POGZ: variants seen among roughly 807,000 people sequenced by gnomAD.
POGZ encodes the protein pogo transposable element with ZNF domain.
A neutral mutation model predicts 134.6 loss-of-function variants in POGZ; 17 were observed. That is an observed-to-expected ratio of 0.13 (90% CI 0.09 to 0.19). The LOEUF is 0.19. POGZ is among the 10% of genes least tolerant of loss of function. The pLI, the probability that POGZ is intolerant of heterozygous loss-of-function variation, is 1.00. For synonymous variants in POGZ, 693 were observed against 657.1 expected, an observed-to-expected ratio of 1.05 and a Z score of -0.84; for missense variants, 1,306 against 1,769.7, an observed-to-expected ratio of 0.74 and a Z score of 4.70.
intron 1 of POGZ, among the ~76,000 whole-genome samples, chr1:151,443,656 T>C (rs1364759717): frequency 2.6e-5 from 4 of 151,788 alleles, no homozygotes; most frequent in Admixed American, 6.6e-5. Context: ...GAGGTTGCAA[T>C]GAGCCACAAT....
chr1:151,455,334 T>C (rs985639537), intron 1 of POGZ: 1 of 152,240 alleles, frequency 6.6e-6, no homozygotes, highest in African/African-American at 2.4e-5. Context: ...AATATCCCAG[T>C]TAGGATTCAA....
rs558312303 is a variant in POGZ at position 151,442,741 on chromosome 1, A to G, written c.-1-536T>C. On this transcript the variant is annotated intron_variant, in intron 1 of 18. Transcript: ENST00000271715. ...AAAAAAAAAAAAAATTAGGATTATAAAAGTTTAGGCCAGGCACAGTGGCTT... is the reference window on the plus strand; with the variant it reads ...AAAAAAAAAAAAAATTAGGATTATAGAAGTTTAGGCCAGGCACAGTGGCTT... 3.3e-5 allele frequency among the ~76,000 whole-genome samples: 5 copies of G among 151,422 alleles called. No homozygotes were observed. The South Asian group carries it at 8.3e-4, about 25-fold the overall frequency.
Position 151,459,460 on chromosome 1 carries a change from C to T in POGZ, c.-310G>A, listed in dbSNP as rs1327743319. ...GGCGCGGGGGAGAGAGACGCCGACT[C>T]CCCCCACCGACCCTCTCGCCCCGCG... On this transcript the variant is annotated 5_prime_UTR_variant, in exon 1 of 19. Coordinates refer to ENST00000271715, the MANE Select transcript of POGZ (RefSeq NM_015100.4). 6.6e-6 allele frequency: 1 copy of T among 152,092 alleles called. No individual in the cohort carries two copies. The highest frequency in any genetic ancestry group is 1.5e-5 in the Non-Finnish European group (1 of 67,980). 9.4% of individuals were successfully genotyped at this position (152,092 alleles called of 1,614,324 possible). A position where few individuals can be genotyped will look rare whatever the true frequency, so the allele number is the denominator to read the frequency against.
chr1:151,413,736 GTGGCTCA>G (rs1655133635), intron 10 of POGZ, among the ~76,000 whole-genome samples: 1 of 151,954 alleles, frequency 6.6e-6, no homozygotes, highest in Non-Finnish European at 1.5e-5. Context: ...CTAGAGCGCA[GTGGCTCA>G]ATCATGGCTC....
In POGZ at chr1:151,404,514, AAC is replaced by A. The variant is rs1378082349; in HGVS notation, c.*286_*287del. On this transcript the variant is annotated 3_prime_UTR_variant, in exon 19 of 19. Transcript: ENST00000271715. Reference sequence around the variant, plus strand: ...TCTTAATTTTGTCAGAAAAATACCAAACACAGTGATTTAAATTTAAAAAAAAA... The same window carrying A: ...TCTTAATTTTGTCAGAAAAATACCAAACAGTGATTTAAATTTAAAAAAAAA... 2.4e-5 allele frequency: 26 copies of A among 1,088,730 alleles called. No homozygotes were observed. The highest frequency in any genetic ancestry group is 4.1e-4 in the Middle Eastern group (1 of 2,434). The allele number at this position is 1,088,730 out of a possible 1,614,324, so 67.4% of individuals were successfully genotyped here.
At chr1:151,452,516 T>A (rs1340201385) in intron 1 of POGZ, among the ~76,000 whole-genome samples, 4 of 151,982 alleles carry the variant, frequency 2.6e-5, no homozygotes, top group Non-Finnish European at 5.9e-5. Flanking sequence ...GATATTTTCT[T>A]ATAGATACTA....
intron 10 of POGZ, among the ~76,000 whole-genome samples, chr1:151,417,738 T>G (rs1428811412): frequency 6.7e-6 from 1 of 148,890 alleles, no homozygotes; most frequent in Non-Finnish European, 1.5e-5. Context: ...ACAAAAGGCC[T>G]TATTTTTTAG....
At chr1:151,450,022 G>GTTT (rs1661838140) in intron 1 of POGZ, among the ~76,000 whole-genome samples, 3 of 100,668 alleles carry the variant, frequency 3.0e-5, no homozygotes, top group Non-Finnish European at 6.1e-5. Context: ...TGTGAAACTT[G>GTTT]ATTTTTTTTT....
chr1:151,404,126 C>T lies in POGZ; in HGVS notation c.*676G>A. On this transcript the variant is annotated 3_prime_UTR_variant, in exon 19 of 19. Transcript: ENST00000271715. ...AGGTGGTTTCATGCATTTTTAAAGCCACAATTTTATATCTAGGGTTGCTGT... is the reference window on the plus strand; with the variant it reads ...AGGTGGTTTCATGCATTTTTAAAGCTACAATTTTATATCTAGGGTTGCTGT... The T allele has an allele frequency of 2.0e-6, 2 of 985,280 alleles. No individual in the cohort carries two copies. The highest frequency in any genetic ancestry group is 2.4e-6 in the Non-Finnish European group (2 of 829,730). 61.0% of individuals were successfully genotyped at this position (985,280 alleles called of 1,614,324 possible).
At chr1:151,408,040 AG>A in intron 15 of POGZ, 59 bp downstream of exon 15, 1 of 1,311,112 alleles carries the variant, frequency 7.6e-7, no homozygotes, top group East Asian at 2.3e-5. Flanking sequence ...AAGAAGAAGA[AG>A]AAGAAGAAAA....
intron 3 of POGZ, 194 bp downstream of exon 3, chr1:151,440,734 A>G (rs1019723123): frequency 2.4e-6 from 1 of 416,418 alleles, no homozygotes; most frequent in Non-Finnish European, 4.3e-6. Flanking sequence ...ACCAGTACCG[A>G]GTCAGCACTA....
chr1:151,438,408 T>C (rs1659981472), intron 3 of POGZ, among the ~76,000 whole-genome samples: 1 of 152,210 alleles, frequency 6.6e-6, no homozygotes, highest in Non-Finnish European at 1.5e-5. Context: ...TTCTTTTTTT[T>C]CATGAACATG....
chr1:151,423,561 A>T lies in POGZ; in HGVS notation c.1524-10T>A, dbSNP rs2274534. ...CATATGGTTCATGAATCTGTAATAA[A>T]GCACAAAGAGAAAGTACAGAAAACA... On this transcript the variant is annotated splice_polypyrimidine_tract_variant and intron_variant, in intron 9 of 18. Transcript: ENST00000271715. 351 of 1,597,254 alleles carry T rather than the reference A, an allele frequency of 2.2e-4. 3 individuals are homozygous for T. The South Asian group carries it at 3.1e-3, about 14-fold the overall frequency.
At chr1:151,433,710 C>T (rs1659111866) in intron 3 of POGZ, among the ~76,000 whole-genome samples, 1 of 151,448 alleles carries the variant, frequency 6.6e-6, no homozygotes, top group African/African-American at 2.4e-5. Context: ...AAAGCAAAAG[C>T]CAGACTATGG....
At chr1:151,420,468 C>T (rs10749662) in intron 10 of POGZ, among the ~76,000 whole-genome samples, 101,094 of 151,944 alleles carry the variant, frequency 0.67, 36,328 homozygotes, top group Non-Finnish European at 0.82. Flanking sequence ...AGGCGTGCGC[C>T]ACCACACCCA....
At chr1:151,409,172 ATTC>A (rs1247637237) in intron 12 of POGZ, among the ~76,000 whole-genome samples, 5 of 152,210 alleles carry the variant, frequency 3.3e-5, no homozygotes, top group South Asian at 2.1e-4. Flanking sequence ...GACATTCTTC[ATTC>A]TTCTTTTTTT....
intron 1 of POGZ, among the ~76,000 whole-genome samples, chr1:151,452,130 T>C (rs1662184374): frequency 6.7e-6 from 1 of 148,472 alleles, no homozygotes; most frequent in Non-Finnish European, 1.5e-5. Context: ...AAAGTCAATG[T>C]TGGCCGGGCA....
intron 1 of POGZ, among the ~76,000 whole-genome samples, chr1:151,454,482 G>C (rs1013401000): frequency 6.6e-6 from 1 of 152,032 alleles, no homozygotes; most frequent in Non-Finnish European, 1.5e-5. Context: ...GAATCATAAG[G>C]GTTTTAAGTA....
chr1:151,452,196 G>A (rs1053207898), intron 1 of POGZ, among the ~76,000 whole-genome samples: 1 of 151,306 alleles, frequency 6.6e-6, no homozygotes, highest in Non-Finnish European at 1.5e-5. Flanking sequence ...AGACCAATCT[G>A]GGAAACAGAA....
Sources: gnomAD v4.1 joint callset for allele counts (sites outside exome capture counted in the v4.1 genomes callset) on GRCh38, gnomAD v4.1.1 for gene constraint, MANE v1.5 for transcripts, NCBI Gene and HGNC (gene_info 2026-07-23, HGNC 2026-07-21) for gene names.